The following PCDHA1 variants were observed in gnomAD, a reference collection of about 807,000 sequenced individuals.
PCDHA1 encodes protocadherin alpha 1, also known as protocadherin alpha-1.
A neutral mutation model predicts 61.3 loss-of-function variants in PCDHA1; 42 were observed. The observed-to-expected ratio is 0.69, with a 90% CI of 0.54 to 0.89. The LOEUF is 0.89. Among genes scored for constraint, PCDHA1 ranks in the 40% least tolerant of loss-of-function variants. The probability of loss-of-function intolerance (pLI) is 0.00; values close to 1 mark genes in which losing one functional copy is unlikely to be tolerated. For missense variants in PCDHA1, 1,256 were observed against 1,235.3 expected, an observed-to-expected ratio of 1.02 and a Z score of -0.25; for synonymous variants, 610 against 553.8, an observed-to-expected ratio of 1.10 and a Z score of -1.43.
intron 1 of PCDHA1, among the ~76,000 whole-genome samples, chr5:140,821,162 A>T (rs1683784495): frequency 6.6e-6 from 1 of 152,218 alleles, no homozygotes; most frequent in Non-Finnish European, 1.5e-5. Context: ...GAGATAGCAT[A>T]CAAACATTCC....
chr5:140,879,671 G>T (rs1442617511), intron 1 of PCDHA1, among the ~76,000 whole-genome samples: 3 of 152,210 alleles, frequency 2.0e-5, no homozygotes, highest in Admixed American at 1.3e-4. Context: ...AACACAAACT[G>T]GGTGCTGTAA....
chr5:140,957,698 A>T (rs1554223065), intron 1 of PCDHA1, among the ~76,000 whole-genome samples: 1 of 152,174 alleles, frequency 6.6e-6, no homozygotes. Flanking sequence ...AATGAACATT[A>T]TGTAGTTTTT....
intron 3 of PCDHA1, among the ~76,000 whole-genome samples, chr5:140,995,258 A>C (rs2097672609): frequency 6.6e-6 from 1 of 152,164 alleles, no homozygotes; most frequent in Non-Finnish European, 1.5e-5. Flanking sequence ...AGGGTACTTG[A>C]ATACAAGCCC....
intron 1 of PCDHA1, chr5:140,851,257 T>A: frequency 9.2e-7 from 1 of 1,087,842 alleles, no homozygotes; most frequent in East Asian, 4.1e-5. Context: ...GCATAGTATT[T>A]TAGTCTACTT....
chr5:140,828,876 T>C (rs1554131616), intron 1 of PCDHA1: 4 of 1,614,116 alleles, frequency 2.5e-6, no homozygotes, highest in African/African-American at 2.7e-5. Flanking sequence ...ACAACAGTTA[T>C]CAGACTGAAT....
chr5:140,850,240 T>G, intron 1 of PCDHA1: 1 of 1,593,446 alleles, frequency 6.3e-7, no homozygotes, highest in East Asian at 2.2e-5. Flanking sequence ...GAGATGGTGC[T>G]GCGGTCGGTG....
intron 1 of PCDHA1, chr5:140,871,394 C>G (rs782179742): frequency 6.2e-7 from 1 of 1,614,042 alleles, no homozygotes; most frequent in Admixed American, 1.7e-5. Context: ...GAGGGCCCAC[C>G]TAAGACGGAC....
In PCDHA1 at chr5:140,834,300, C is replaced by A. The variant is rs111598234; in HGVS notation, c.2394+45616C>A. 3,027 of 1,283,790 alleles carry A rather than the reference C, an allele frequency of 2.4e-3. 46 individuals carry two copies. The African/African-American group carries it at 0.039, about 17-fold the overall frequency. 79.5% of individuals were successfully genotyped at this position (1,283,790 alleles called of 1,614,324 possible). On this transcript the variant is annotated intron_variant, in intron 1 of 3. Transcript: ENST00000504120. ...TGGATGCACAACAATGGCCACACATCGAGATTGAAATGAAGGGATAAAAAC... is the reference window on the plus strand; with the variant it reads ...TGGATGCACAACAATGGCCACACATAGAGATTGAAATGAAGGGATAAAAAC...
chr5:140,874,040 T>G (rs1303509988), intron 1 of PCDHA1, among the ~76,000 whole-genome samples: 7 of 152,220 alleles, frequency 4.6e-5, no homozygotes, highest in Admixed American at 4.6e-4. Flanking sequence ...AGAAACTTGG[T>G]GATGATATTA....
At chr5:140,793,090 A>G (rs552249231) in intron 1 of PCDHA1, among the ~76,000 whole-genome samples, 1 of 152,260 alleles carries the variant, frequency 6.6e-6, no homozygotes, top group Non-Finnish European at 1.5e-5. Flanking sequence ...AGGAAGTAAT[A>G]TCCAGGATTT....
chr5:140,805,130 C>A (rs1554123281), intron 1 of PCDHA1: 1 of 1,579,476 alleles, frequency 6.3e-7, no homozygotes, highest in Non-Finnish European at 8.6e-7. Flanking sequence ...TTGGCAAAGA[C>A]ATTTTGAAGA....
At chr5:140,878,552 C>A (rs1035509057) in intron 1 of PCDHA1, among the ~76,000 whole-genome samples, 1 of 152,130 alleles carries the variant, frequency 6.6e-6, no homozygotes, top group Non-Finnish European at 1.5e-5. Flanking sequence ...TTCAGATGAT[C>A]CCAAACTTAT....
intron 1 of PCDHA1, chr5:140,823,443 C>T (rs2150125860): frequency 3.1e-6 from 5 of 1,613,398 alleles, no homozygotes; most frequent in South Asian, 2.2e-5. Context: ...TCGTGCTGGA[C>T]GAGAACGACA....
chr5:140,993,906 C>T (rs1245923228), intron 3 of PCDHA1, among the ~76,000 whole-genome samples: 1 of 152,088 alleles, frequency 6.6e-6, no homozygotes, highest in Non-Finnish European at 1.5e-5. Flanking sequence ...AACAAAAATG[C>T]CTAGTGATGC....
chr5:140,858,622 G>T, intron 1 of PCDHA1: 1 of 1,136,482 alleles, frequency 8.8e-7, no homozygotes, highest in Non-Finnish European at 1.2e-6. Flanking sequence ...ATCCTACCCA[G>T]TGTGTCAGCC....
At chr5:140,890,356 T>C (rs139351817) in intron 1 of PCDHA1, among the ~76,000 whole-genome samples, 50 of 152,308 alleles carry the variant, frequency 3.3e-4, no homozygotes, top group African/African-American at 1.2e-3. Context: ...TATATAGCAA[T>C]GGATAACCTG....
At chr5:140,895,677 G>T (rs1554186594) in intron 1 of PCDHA1, among the ~76,000 whole-genome samples, 2 of 151,984 alleles carry the variant, frequency 1.3e-5, no homozygotes, top group African/African-American at 4.8e-5. Flanking sequence ...GTAGTATTTG[G>T]TTTTCTGTTT....
At chr5:140,835,889 C>T (rs1774023862) in intron 1 of PCDHA1, 2 of 1,611,938 alleles carry the variant, frequency 1.2e-6, no homozygotes, top group East Asian at 2.2e-5. Context: ...TGGGCGAGCG[C>T]GCGCTGTCGA....
chr5:140,968,500 C>T, intron 1 of PCDHA1: 2 of 1,614,222 alleles, frequency 1.2e-6, no homozygotes, highest in Middle Eastern at 1.6e-4. Context: ...ATGCCCCTCA[C>T]ATTCTGTACC....
Sources: allele counts gnomAD v4.1 joint callset (sites outside exome capture counted in the v4.1 genomes callset), GRCh38; gene constraint gnomAD v4.1.1; transcripts MANE v1.5; gene names NCBI Gene and HGNC (gene_info 2026-07-23, HGNC 2026-07-21).